Variants in PRR11 observed in about 807,000 individuals in gnomAD.
PRR11 encodes proline rich 11, also known as proline-rich protein 11.
In PRR11, 30 loss-of-function variants were observed where a neutral mutation model predicts 45.6. The ratio of observed to expected loss-of-function variants is 0.66; its 90% CI spans 0.49 to 0.89. The LOEUF is 0.89. Among genes scored for constraint, PRR11 ranks in the 40% least tolerant of loss-of-function variants. The pLI is 0.00. For missense variants in PRR11, 373 were observed against 424.8 expected (o/e 0.88, Z 1.07); for synonymous variants, 128 against 153.5 (o/e 0.83, Z 1.23).
At position 59,169,784 on chromosome 17, in the gene PRR11, T is replaced by A; in HGVS notation, c.32T>A (p.Leu11Gln). Reference sequence around the variant, plus strand: ...AAGTTCAAACAACGAAGACGAAAGCTAAAAGCCAAAGCCGAAAGATTATTC... The same window carrying A: ...AAGTTCAAACAACGAAGACGAAAGCAAAAAGCCAAAGCCGAAAGATTATTC... Reference protein sequence around the residue: MPKFKQRRRKLKAKAERLFKK... With the variant: MPKFKQRRRKQKAKAERLFKK... The change falls in exon 2 of 10, where the codon CTA becomes CAA. Residue 11 changes from leucine to glutamine, a missense_variant. By Grantham distance (113) the Leu-to-Gln change is moderately radical. Coordinates refer to ENST00000262293, the MANE Select transcript of PRR11 (RefSeq NM_018304.4). 6.2e-7 allele frequency: 1 copy of A among 1,603,418 alleles called. No individual in the cohort carries two copies. Among genetic ancestry groups the A allele is most frequent in the Non-Finnish European group, 8.5e-7 (1 of 1,177,280 alleles).
At chr17:59,187,223 A>T (rs1456381725) in intron 4 of PRR11, among the ~76,000 whole-genome samples, 6 of 151,940 alleles carry the variant, frequency 3.9e-5, no homozygotes, top group Non-Finnish European at 7.4e-5. Flanking sequence ...AAAATAAAAT[A>T]AAAATAAAAT....
At chr17:59,180,771 G>T (rs1568322872) in intron 2 of PRR11, among the ~76,000 whole-genome samples, 1 of 151,654 alleles carries the variant, frequency 6.6e-6, no homozygotes, top group Non-Finnish European at 1.5e-5. Flanking sequence ...CTCCCAAAGT[G>T]CTGGGATTAC....
chr17:59,173,117 T>C (rs1426099624), intron 2 of PRR11, among the ~76,000 whole-genome samples: 1 of 152,174 alleles, frequency 6.6e-6, no homozygotes, highest in Non-Finnish European at 1.5e-5. Flanking sequence ...GGTTTCTAAA[T>C]ACAGCAATTG....
At chr17:59,165,002 G>C (rs538680231) in intron 1 of PRR11, among the ~76,000 whole-genome samples, 4 of 151,864 alleles carry the variant, frequency 2.6e-5, no homozygotes, top group African/African-American at 9.6e-5. Context: ...TTTTTATCTT[G>C]CGTTTTTGTT....
intron 5 of PRR11, among the ~76,000 whole-genome samples, chr17:59,194,302 C>CACACAAA (rs1281863708): frequency 2.0e-5 from 3 of 149,884 alleles, no homozygotes; most frequent in African/African-American, 5.1e-5. Flanking sequence ...CACACACACA[C>CACACAAA]ACAAAACAAA....
intron 1 of PRR11, among the ~76,000 whole-genome samples, chr17:59,156,302 T>C (rs1006594098): frequency 4.6e-5 from 7 of 152,166 alleles, no homozygotes; most frequent in Non-Finnish European, 1.0e-4. Flanking sequence ...GTGTCAATTT[T>C]AAATGCGTGT....
intron 4 of PRR11, among the ~76,000 whole-genome samples, chr17:59,186,531 A>G (rs2046815300): frequency 6.6e-6 from 1 of 151,066 alleles, no homozygotes; most frequent in Admixed American, 6.6e-5. Context: ...TGTAGCTGGG[A>G]CCAGAGGTGT....
chr17:59,187,737 C>T (rs2046820951), intron 4 of PRR11, among the ~76,000 whole-genome samples: 1 of 148,156 alleles, frequency 6.7e-6, no homozygotes, highest in Non-Finnish European at 1.5e-5. Context: ...TGATGGCGGG[C>T]ACCAGTAATC....
intron 2 of PRR11, chr17:59,179,956 A>T (rs1675898592): frequency 8.2e-7 from 1 of 1,221,978 alleles, no homozygotes; most frequent in African/African-American, 1.5e-5. Context: ...ACGCCAAACC[A>T]CTCTCCATCC....
At chr17:59,170,441 C>A (rs916805743) in intron 2 of PRR11, among the ~76,000 whole-genome samples, 1 of 151,710 alleles carries the variant, frequency 6.6e-6, no homozygotes, top group Non-Finnish European at 1.5e-5. Context: ...CTTACTCTGT[C>A]ACTTAAGCTG....
At chr17:59,157,579 A>G (rs1185336118) in intron 1 of PRR11, among the ~76,000 whole-genome samples, 1 of 152,060 alleles carries the variant, frequency 6.6e-6, no homozygotes, top group East Asian at 1.9e-4. Flanking sequence ...GCACGCCCCT[A>G]TAATCCCAGG....
chr17:59,193,010 C>T (rs2046846412), intron 4 of PRR11, among the ~76,000 whole-genome samples: 1 of 152,206 alleles, frequency 6.6e-6, no homozygotes, highest in South Asian at 2.1e-4. Flanking sequence ...ACTTCCCAAG[C>T]CTCCAGCTGT....
At position 59,184,324 on chromosome 17, in the gene PRR11, A is replaced by G. The variant is rs2046803007; in HGVS notation, c.129-730A>G. On this transcript the variant is annotated intron_variant, in intron 2 of 9. Coordinates refer to ENST00000262293, the MANE Select transcript of PRR11 (RefSeq NM_018304.4). ...TAAAAATACAAAAAATTAGCCAGGC[A>G]TGGTGGCGGGTGCCTGTAATCCCAG... Among the ~76,000 whole-genome samples, 3 of 152,056 alleles carry G rather than the reference A, an allele frequency of 2.0e-5. No individual in the cohort carries two copies. The South Asian group carries it at 6.2e-4, about 31-fold the overall frequency.
At chr17:59,178,334 AAAAAG>A (rs889533339) in intron 2 of PRR11, 2 of 395,128 alleles carry the variant, frequency 5.1e-6, no homozygotes, top group Non-Finnish European at 9.9e-6. Flanking sequence ...ACTGTCTCAC[AAAAAG>A]AAAAGAAGAC....
intron 9 of PRR11, among the ~76,000 whole-genome samples, chr17:59,201,216 A>G (rs1052043619): frequency 6.6e-6 from 1 of 152,036 alleles, no homozygotes; most frequent in Non-Finnish European, 1.5e-5. Flanking sequence ...GGGCAGTAGG[A>G]AGTCCACAAC....
At chr17:59,173,364 G>A (rs2046721739) in intron 2 of PRR11, among the ~76,000 whole-genome samples, 1 of 152,152 alleles carries the variant, frequency 6.6e-6, no homozygotes, top group Non-Finnish European at 1.5e-5. Flanking sequence ...TTCACGCTGT[G>A]GAAGGTTTGT....
chr17:59,189,820 A>G (rs571341750), intron 4 of PRR11, among the ~76,000 whole-genome samples: 53 of 152,276 alleles, frequency 3.5e-4, no homozygotes, highest in African/African-American at 1.2e-3. Context: ...GGCAGTATTC[A>G]AACAGACCTT....
intron 7 of PRR11, 28 bp downstream of exon 7, chr17:59,195,471 A>G (rs752102888): frequency 2.2e-6 from 3 of 1,377,168 alleles, no homozygotes; most frequent in Middle Eastern, 1.8e-4. Context: ...ACTATGCTCT[A>G]CTACTACTTA....
At position 59,164,878 on chromosome 17, in the gene PRR11, CA is replaced by C. The variant is rs1164045099; in HGVS notation, c.-5-4857del. Reference sequence around the variant, plus strand: ...TGCACGACAGAGCAAGACCGTGTCTCAAAAAAAAAAAAAGGTCCTGACCATA... The same window carrying C: ...TGCACGACAGAGCAAGACCGTGTCTCAAAAAAAAAAAAGGTCCTGACCATA... On this transcript the variant is annotated intron_variant, in intron 1 of 9. Transcript: ENST00000262293. Among the ~76,000 whole-genome samples, 329 of 129,812 alleles carry C rather than the reference CA, an allele frequency of 2.5e-3. 1 individual carries two copies. Among genetic ancestry groups the C allele is most frequent in the Admixed American group, 3.3e-3 (42 of 12,872 alleles). 85.2% of individuals were successfully genotyped at this position (129,812 alleles called of 152,430 possible).
Sources: gnomAD v4.1 joint callset for allele counts (sites outside exome capture counted in the v4.1 genomes callset) on GRCh38, gnomAD v4.1.1 for gene constraint, MANE v1.5 for transcripts, NCBI Gene and HGNC (gene_info 2026-07-23, HGNC 2026-07-21) for gene names.